Variants in PDE5A observed in about 807,000 individuals in gnomAD.
The protein encoded by PDE5A is cGMP-specific 3',5'-cyclic phosphodiesterase.
PDE5A carries 67 observed loss-of-function variants against 110.2 expected under a neutral mutation model. The ratio of observed to expected loss-of-function variants is 0.61; its 90% CI spans 0.50 to 0.75. The LOEUF (loss-of-function observed/expected upper bound fraction) is 0.75, where lower values mean the gene tolerates loss of function less well. Among genes scored for constraint, PDE5A ranks in the 30% least tolerant of loss-of-function variants. PDE5A has a pLI of 0.00. For synonymous variants in PDE5A, 328 were observed against 351.2 expected, an observed-to-expected ratio of 0.93 and a Z score of 0.74; for missense variants, 862 against 1,045.1, an observed-to-expected ratio of 0.82 and a Z score of 2.42.
chr4:119,568,797 A>G (rs1359141203), intron 3 of PDE5A, among the ~76,000 whole-genome samples: 1 of 152,216 alleles, frequency 6.6e-6, no homozygotes, highest in Non-Finnish European at 1.5e-5. Context: ...TATTATGCAA[A>G]GTTTCTGATA....
chr4:119,622,188 G>C (rs1385787964), intron 1 of PDE5A, among the ~76,000 whole-genome samples: 1 of 142,238 alleles, frequency 7.0e-6, no homozygotes, highest in Non-Finnish European at 1.6e-5. Context: ...AAAAAAAAAA[G>C]AAAAGAAAAA....
At chr4:119,596,902 C>T (rs866532197) in intron 2 of PDE5A, among the ~76,000 whole-genome samples, 9 of 152,188 alleles carry the variant, frequency 5.9e-5, no homozygotes, top group Middle Eastern at 3.4e-3. Flanking sequence ...CTTTAGATAG[C>T]TGTACTTAAA....
intron 10 of PDE5A, among the ~76,000 whole-genome samples, chr4:119,540,534 T>C (rs1429757652): frequency 2.6e-5 from 4 of 152,124 alleles, no homozygotes; most frequent in Non-Finnish European, 5.9e-5. Flanking sequence ...TGAGTTAGAC[T>C]AATATTAACA....
intron 9 of PDE5A, among the ~76,000 whole-genome samples, chr4:119,542,942 T>C (rs1020742455): frequency 3.3e-5 from 5 of 152,002 alleles, no homozygotes; most frequent in African/African-American, 1.2e-4. Flanking sequence ...CTTTGGAAGC[T>C]AATTGGATTT....
intron 9 of PDE5A, among the ~76,000 whole-genome samples, chr4:119,550,828 A>G (rs1338150405): frequency 6.6e-6 from 1 of 152,236 alleles, no homozygotes; most frequent in Non-Finnish European, 1.5e-5. Flanking sequence ...TTTATAATAT[A>G]GTTTTCCCCT....
At chr4:119,538,902 A>C in intron 11 of PDE5A, 58 bp downstream of exon 11, 1 of 1,219,172 alleles carries the variant, frequency 8.2e-7, no homozygotes, top group Non-Finnish European at 1.2e-6. Flanking sequence ...TATTTACCAA[A>C]TTTGGTTAAA....
chr4:119,496,047 T>C lies in PDE5A; in HGVS notation c.*2554A>G, dbSNP rs1323149790. ...ACAGAGGTTAAGTGACTTACACAAA[T>C]CCACCCAGGATTGTGATTGGCACGG... On this transcript the variant is annotated 3_prime_UTR_variant, in exon 21 of 21. Transcript: ENST00000354960. 1 of 152,106 alleles carries C rather than the reference T, an allele frequency of 6.6e-6. No individual in the cohort carries two copies. The highest frequency in any genetic ancestry group is 2.4e-5 in the African/African-American group (1 of 41,432). 9.4% of individuals were successfully genotyped at this position (152,106 alleles called of 1,614,324 possible). A position where few individuals can be genotyped will look rare whatever the true frequency, so the allele number is the denominator to read the frequency against.
chr4:119,507,751 G>A, intron 15 of PDE5A, 47 bp from the exon 16 acceptor site: 1 of 1,205,720 alleles, frequency 8.3e-7, no homozygotes, highest in Non-Finnish European at 1.2e-6. Context: ...AGAAGCTGCT[G>A]ACAAGAACAA....
At chr4:119,576,514 G>T (rs527916399) in intron 3 of PDE5A, among the ~76,000 whole-genome samples, 25 of 152,246 alleles carry the variant, frequency 1.6e-4, no homozygotes, top group Middle Eastern at 3.4e-3. Context: ...AATCAAACTA[G>T]AACTCAGGAT....
At position 119,525,471 on chromosome 4, in the gene PDE5A, A is replaced by G. The variant is rs1726279037; in HGVS notation, c.1779+78T>C. ...GTAAAAATCCCTATTCCATATTTGCATTCAAAACCAATTCTCTCTCTTACA... is the reference window on the plus strand; with the variant it reads ...GTAAAAATCCCTATTCCATATTTGCGTTCAAAACCAATTCTCTCTCTTACA... On this transcript the variant is annotated intron_variant, in intron 12 of 20. Transcript: ENST00000354960. The surrounding 1 kb of genome is among the most constrained non-coding windows in gnomAD (Gnocchi z 4.3). 3.7e-6 allele frequency: 5 copies of G among 1,366,698 alleles called. No homozygotes were observed. The African/African-American group carries it at 5.8e-5, about 16-fold the overall frequency. 84.7% of individuals were successfully genotyped at this position (1,366,698 alleles called of 1,614,324 possible). A position where few individuals can be genotyped will look rare whatever the true frequency, so the allele number is the denominator to read the frequency against.
intron 1 of PDE5A, among the ~76,000 whole-genome samples, chr4:119,616,350 G>A (rs560650580): frequency 2.6e-5 from 4 of 152,228 alleles, no homozygotes; most frequent in Non-Finnish European, 4.4e-5. Flanking sequence ...AAAACCAAAT[G>A]GAAGTTGCCT....
chr4:119,623,170 C>T (rs1730220156), intron 1 of PDE5A, among the ~76,000 whole-genome samples: 1 of 152,138 alleles, frequency 6.6e-6, no homozygotes, highest in African/African-American at 2.4e-5. Context: ...CTCACAGGCA[C>T]TTTTCCCTGA....
chr4:119,525,405 C>T lies in PDE5A; in HGVS notation c.1779+144G>A. On this transcript the variant is annotated intron_variant, in intron 12 of 20. Transcript: ENST00000354960. This position sits in a 1 kb window ranked among gnomAD's most constrained non-coding sequence, Gnocchi z 4.3. Reference sequence around the variant, plus strand: ...ATAATGATAATTTTTCTTTAAAAGTCTCGGGTATATATTAGGTGACAGTAT... The same window carrying T: ...ATAATGATAATTTTTCTTTAAAAGTTTCGGGTATATATTAGGTGACAGTAT... 1 of 668,630 alleles carries T rather than the reference C, an allele frequency of 1.5e-6. No homozygotes were observed. Among genetic ancestry groups the T allele is most frequent in the Non-Finnish European group, 2.4e-6 (1 of 424,296 alleles). The allele number at this position is 668,630 out of a possible 1,614,324, so 41.4% of individuals were successfully genotyped here.
At position 119,525,455 on chromosome 4, in the gene PDE5A, C is replaced by T. The variant is rs900880243; in HGVS notation, c.1779+94G>A. The T allele has an allele frequency of 7.7e-6, 9 of 1,168,666 alleles. No individual in the cohort carries two copies. Among genetic ancestry groups the T allele is most frequent in the African/African-American group, 6.2e-5 (4 of 64,978 alleles). 72.4% of individuals were successfully genotyped at this position (1,168,666 alleles called of 1,614,324 possible). ...TATTAATCACTAAAATGTAAAAATC[C>T]CTATTCCATATTTGCATTCAAAACC... On this transcript the variant is annotated intron_variant, in intron 12 of 20. Transcript: ENST00000354960. The surrounding 1 kb of genome is among the most constrained non-coding windows in gnomAD (Gnocchi z 4.3).
At chr4:119,520,364 A>C (rs1343334419) in intron 13 of PDE5A, among the ~76,000 whole-genome samples, 1 of 152,148 alleles carries the variant, frequency 6.6e-6, no homozygotes, top group African/African-American at 2.4e-5. Flanking sequence ...GATATGGATA[A>C]AATTTGGCCT....
At chr4:119,578,381 T>A (rs574493665) in intron 3 of PDE5A, among the ~76,000 whole-genome samples, 1 of 152,232 alleles carries the variant, frequency 6.6e-6, no homozygotes, top group South Asian at 2.1e-4. Flanking sequence ...CATTGCGAAG[T>A]CAATCCTAAG....
chr4:119,516,456 G>C (rs1239173763), intron 14 of PDE5A, among the ~76,000 whole-genome samples: 1 of 152,140 alleles, frequency 6.6e-6, no homozygotes, highest in Non-Finnish European at 1.5e-5. Context: ...CCAAATAAAT[G>C]CATCTACAAC....
At chr4:119,602,006 A>G (rs1729363563) in intron 2 of PDE5A, among the ~76,000 whole-genome samples, 1 of 152,164 alleles carries the variant, frequency 6.6e-6, no homozygotes. Context: ...ACTATGTGCA[A>G]TATGGGATCC....
At position 119,627,877 on chromosome 4, in the gene PDE5A, G is replaced by A. The variant is rs1730417324; in HGVS notation, c.152+643C>T. ...CCCCTGCGCCCTTTGTGTGCACGCC[G>A]CAAACCCCTCTGCAGAGCTCTACTT... is the stretch of plus-strand genomic sequence containing the variant. On this transcript the variant is annotated intron_variant, in intron 1 of 20. Transcript: ENST00000354960. The surrounding 1 kb of genome is among the most constrained non-coding windows in gnomAD (Gnocchi z 4.6). 4.3e-6 allele frequency: 1 copy of A among 230,514 alleles called. No individual in the cohort carries two copies. The highest frequency in any genetic ancestry group is 7.2e-6 in the Non-Finnish European group (1 of 139,494). The allele number at this position is 230,514 out of a possible 1,614,324, so 14.3% of individuals were successfully genotyped here.
Sources: gnomAD v4.1 joint callset for allele counts (sites outside exome capture counted in the v4.1 genomes callset) on GRCh38, gnomAD v4.1.1 for gene constraint, Gnocchi (gnomAD v3.1) non-coding constraint, MANE v1.5 for transcripts, NCBI Gene and HGNC (gene_info 2026-07-23, HGNC 2026-07-21) for gene names.